NLGN1: variants seen among roughly 807,000 people sequenced by gnomAD.
NLGN1 encodes neuroligin-1.
A neutral mutation model predicts 65.5 loss-of-function variants in NLGN1; 12 were observed. The observed-to-expected ratio is 0.18, with a 90% CI of 0.12 to 0.30. The LOEUF is 0.30. Ranked by LOEUF, NLGN1 falls within the 10% of genes least tolerant of loss-of-function variation. The probability of loss-of-function intolerance (pLI) is 1.00; values close to 1 mark genes in which losing one functional copy is unlikely to be tolerated. For missense variants in NLGN1, 750 were observed against 1,007.1 expected, an observed-to-expected ratio of 0.74 and a Z score of 3.46; for synonymous variants, 350 against 359.5, an observed-to-expected ratio of 0.97 and a Z score of 0.30.
At chr3:173,559,463 G>A (rs1329705214) in intron 2 of NLGN1, among the ~76,000 whole-genome samples, 1 of 152,138 alleles carries the variant, frequency 6.6e-6, no homozygotes, top group Non-Finnish European at 1.5e-5. Context: ...CTCACCTATT[G>A]AATGCTTGCC....
chr3:174,116,184 ATAT>A (rs1405093501), intron 4 of NLGN1, among the ~76,000 whole-genome samples: 1 of 152,066 alleles, frequency 6.6e-6, no homozygotes, highest in Non-Finnish European at 1.5e-5. Flanking sequence ...CAAATATAAG[ATAT>A]TATTATTATC....
chr3:173,426,712 G>A (rs924522752), intron 1 of NLGN1, among the ~76,000 whole-genome samples: 8 of 151,942 alleles, frequency 5.3e-5, no homozygotes, highest in Admixed American at 1.3e-4. Flanking sequence ...TTGATATGCT[G>A]TTGGATTCAG....
intron 4 of NLGN1, among the ~76,000 whole-genome samples, chr3:173,965,163 G>A (rs148460814): frequency 2.0e-3 from 306 of 152,068 alleles, no homozygotes; most frequent in African/African-American, 7.1e-3. Flanking sequence ...ATAATGCAGA[G>A]TTAAAGATCT....
At chr3:173,436,908 C>G (rs180826324) in intron 2 of NLGN1, among the ~76,000 whole-genome samples, 5 of 152,332 alleles carry the variant, frequency 3.3e-5, no homozygotes, top group Admixed American at 1.3e-4. Context: ...CACTATTTTT[C>G]TCTTGCCCTT....
chr3:174,008,350 C>T, intron 4 of NLGN1, among the ~76,000 whole-genome samples: 1 of 127,816 alleles, frequency 7.8e-6, no homozygotes, highest in African/African-American at 2.9e-5. Flanking sequence ...TCCAACCCGT[C>T]CCCCCCACCC....
intron 3 of NLGN1, among the ~76,000 whole-genome samples, chr3:173,687,897 C>T (rs1395465273): frequency 6.6e-6 from 1 of 152,152 alleles, no homozygotes; most frequent in African/African-American, 2.4e-5. Context: ...AGAACTGTTG[C>T]TCTGTACTAG....
intron 3 of NLGN1, among the ~76,000 whole-genome samples, chr3:173,788,206 CAAAAAAAAAAAAAAA>C (rs537790655): frequency 1.6e-5 from 1 of 60,840 alleles, no homozygotes; most frequent in Non-Finnish European, 3.5e-5. Context: ...TGACATTTTG[CAAAAAAAAAAAAAAA>C]AAAAAAGAAA....
At chr3:174,010,270 A>G (rs1725275314) in intron 4 of NLGN1, among the ~76,000 whole-genome samples, 1 of 152,184 alleles carries the variant, frequency 6.6e-6, no homozygotes, top group African/African-American at 2.4e-5. Flanking sequence ...TGCTCCCTTA[A>G]AATGAGGGTA....
intron 3 of NLGN1, among the ~76,000 whole-genome samples, chr3:173,795,624 C>T (rs1333085014): frequency 6.6e-6 from 1 of 151,964 alleles, no homozygotes; most frequent in Admixed American, 6.6e-5. Flanking sequence ...TTTCTTAAAA[C>T]CATTGTGTTT....
chr3:173,940,118 C>T (rs939795957), intron 4 of NLGN1, among the ~76,000 whole-genome samples: 1 of 91,914 alleles, frequency 1.1e-5, no homozygotes. Context: ...GATGGAGTCT[C>T]GCTCTTGTTG....
chr3:173,566,326 A>G (rs1297689719), intron 2 of NLGN1, among the ~76,000 whole-genome samples: 1 of 152,126 alleles, frequency 6.6e-6, no homozygotes, highest in Non-Finnish European at 1.5e-5. Context: ...GACCTTCCTT[A>G]ACCTCAACTT....
At chr3:173,708,156 A>G (rs1768347842) in intron 3 of NLGN1, among the ~76,000 whole-genome samples, 1 of 152,204 alleles carries the variant, frequency 6.6e-6, no homozygotes, top group African/African-American at 2.4e-5. Flanking sequence ...TTTGTGGGGC[A>G]TGGGCCAATA....
the NLGN1 span, among the ~76,000 whole-genome samples, chr3:174,294,354 A>T: frequency 4.6e-5 from 7 of 151,936 alleles, no homozygotes; most frequent in East Asian, 1.4e-3. Context: ...TAGACAAATA[A>T]AATCAGTACT....
chr3:174,057,279 ACTT>A (rs1736347552), intron 4 of NLGN1, among the ~76,000 whole-genome samples: 1 of 151,964 alleles, frequency 6.6e-6, no homozygotes, highest in Non-Finnish European at 1.5e-5. Context: ...GACGGGGAAA[ACTT>A]CTTGATAACT....
intron 4 of NLGN1, among the ~76,000 whole-genome samples, chr3:173,890,230 T>C (rs1444894450): frequency 1.3e-5 from 2 of 152,128 alleles, no homozygotes; most frequent in Non-Finnish European, 1.5e-5. Context: ...GAGAACTCTT[T>C]CAGTCGTTCA....
Position 173,994,505 on chromosome 3 carries a change from G to GAGAA in NLGN1, c.646+186673_646+186674insAGAA, listed in dbSNP as rs1721872963. Among the ~76,000 whole-genome samples the GAGAA allele has an allele frequency of 2.2e-5, 3 of 136,814 alleles. No individual in the cohort carries two copies. In the South Asian group the frequency reaches 7.4e-4, roughly 34 times the overall value. The allele number at this position is 136,814 out of a possible 152,430, so 89.8% of individuals were successfully genotyped here. A position where few individuals can be genotyped will look rare whatever the true frequency, so the allele number is the denominator to read the frequency against. Reference sequence around the variant, plus strand: ...AAAAAAAAAAAAAGAGAGAGAGAGAGCCTAATTAGTAATGCATTAGCTCTA... The same window carrying GAGAA: ...AAAAAAAAAAAAAGAGAGAGAGAGAGAGAACCTAATTAGTAATGCATTAGCTCTA... On this transcript the variant is annotated intron_variant, in intron 4 of 6. Transcript: ENST00000457714.
At chr3:173,497,639 A>G (rs1455252652) in intron 2 of NLGN1, among the ~76,000 whole-genome samples, 1 of 151,790 alleles carries the variant, frequency 6.6e-6, no homozygotes, top group East Asian at 1.9e-4. Flanking sequence ...AATGTCTTCA[A>G]ATCAATTCCT....
chr3:173,604,906 C>T, exon 3 of NLGN1: 1 of 1,613,764 alleles, frequency 6.2e-7, no homozygotes, highest in East Asian at 2.2e-5. Context: ...CCACCATCTC[C>T]CTGGTCAGAT....
intron 4 of NLGN1, among the ~76,000 whole-genome samples, chr3:173,850,227 A>T (rs1246659584): frequency 6.6e-6 from 1 of 152,126 alleles, no homozygotes; most frequent in East Asian, 1.9e-4. Flanking sequence ...ATATCTTACT[A>T]TATATGTGTG....
Sources: allele counts gnomAD v4.1 joint callset (sites outside exome capture counted in the v4.1 genomes callset), GRCh38; gene constraint gnomAD v4.1.1; transcripts MANE v1.5; gene names NCBI Gene and HGNC (gene_info 2026-07-23, HGNC 2026-07-21).